Variants in HPS3 observed in about 807,000 individuals in gnomAD.
HPS3 encodes HPS3 biogenesis of lysosomal organelles complex 2 subunit 1.
HPS3 carries 79 observed loss-of-function variants against 110.9 expected under a neutral mutation model. The ratio of observed to expected loss-of-function variants is 0.71; its 90% CI spans 0.59 to 0.86. HPS3 has a LOEUF of 0.86. Ranked by LOEUF, HPS3 falls within the 40% of genes least tolerant of loss-of-function variation. HPS3 has a pLI of 0.00. For missense variants in HPS3, 1,197 were observed against 1,206.2 expected (o/e 0.99, Z 0.11); for synonymous variants, 428 against 451.0 (o/e 0.95, Z 0.65).
intron 7 of HPS3, chr3:149,154,097 G>A (rs1044270246): frequency 3.6e-5 from 6 of 165,096 alleles, no homozygotes; most frequent in African/African-American, 1.2e-4. Flanking sequence ...CTATAGATAT[G>A]TGCTCATGTA....
intron 4 of HPS3, among the ~76,000 whole-genome samples, chr3:149,143,384 A>C (rs772905): frequency 1.3e-5 from 2 of 152,046 alleles, no homozygotes; most frequent in South Asian, 4.1e-4. Flanking sequence ...CTGAAGTGTA[A>C]CTTCATGACG....
At chr3:149,143,305 CTCT>C (rs1416879509) in intron 4 of HPS3, among the ~76,000 whole-genome samples, 4 of 152,186 alleles carry the variant, frequency 2.6e-5, no homozygotes, top group Non-Finnish European at 5.9e-5. Context: ...CTATTATTTG[CTCT>C]TCTTGTGCGT....
At position 149,173,674 on chromosome 3, in the gene HPS3, G is replaced by A. The variant is rs112764171; in HGVS notation, c.*1452G>A. ...TTCACATACATTGTTATGAATCATT[G>A]GTTTTTCTCTTTTTTCCACTTATCA... On this transcript the variant is annotated 3_prime_UTR_variant, in exon 17 of 17. Coordinates refer to ENST00000296051, the MANE Select transcript of HPS3 (RefSeq NM_032383.5). 2,469 of 1,343,446 alleles carry A rather than the reference G, an allele frequency of 1.8e-3. 3 individuals are homozygous for A. The highest frequency in any genetic ancestry group is 2.4e-3 in the Non-Finnish European group (2,289 of 959,600). The allele number at this position is 1,343,446 out of a possible 1,614,324, so 83.2% of individuals were successfully genotyped here. A position where few individuals can be genotyped will look rare whatever the true frequency, so the allele number is the denominator to read the frequency against.
intron 1 of HPS3, among the ~76,000 whole-genome samples, chr3:149,137,842 G>C (rs1454837733): frequency 6.6e-6 from 1 of 152,270 alleles, no homozygotes; most frequent in Non-Finnish European, 1.5e-5. Context: ...TATTTAATCA[G>C]TGCAGAGTTT....
Position 149,173,615 on chromosome 3 carries a change from A to G in HPS3, c.*1393A>G. 1 of 810,390 alleles carries G rather than the reference A, an allele frequency of 1.2e-6. No homozygotes were observed. Among genetic ancestry groups the G allele is most frequent in the South Asian group, 1.6e-5 (1 of 60,974 alleles). 50.2% of individuals were successfully genotyped at this position (810,390 alleles called of 1,614,324 possible). On this transcript the variant is annotated 3_prime_UTR_variant, in exon 17 of 17. Transcript: ENST00000296051. The stretch of plus-strand genomic sequence containing the variant: ...TGCTTCCAGTCTTCTTTTAATGTTT[A>G]TAGTCATTCCAAAGTAACATTCTAT...
At position 149,172,405 on chromosome 3, in the gene HPS3, A is replaced by G; in HGVS notation, c.*183A>G. 1 of 539,072 alleles carries G rather than the reference A, an allele frequency of 1.9e-6. No homozygotes were observed. The highest frequency in any genetic ancestry group is 2.2e-5 in the South Asian group (1 of 45,412). 33.4% of individuals were successfully genotyped at this position (539,072 alleles called of 1,614,324 possible). A position where few individuals can be genotyped will look rare whatever the true frequency, so the allele number is the denominator to read the frequency against. ...CTGCTTACCTTACCGTGTAGTGGTAACTATTCACTTCTTAATTTATGACCT... is the reference window on the plus strand; with the variant it reads ...CTGCTTACCTTACCGTGTAGTGGTAGCTATTCACTTCTTAATTTATGACCT... On this transcript the variant is annotated 3_prime_UTR_variant, in exon 17 of 17. Coordinates refer to ENST00000296051, the MANE Select transcript of HPS3 (RefSeq NM_032383.5).
rs751552961 is a variant in HPS3 at position 149,157,376 on chromosome 3, T to C, written c.1536T>C (p.Thr512=). 1.9e-6 allele frequency: 3 copies of C among 1,613,846 alleles called. No individual in the cohort carries two copies. Among genetic ancestry groups the C allele is most frequent in the Non-Finnish European group, 2.5e-6 (3 of 1,179,844 alleles). Reference sequence around the variant, plus strand: ...TAGACTATAGCAATACCTATAAGACTGTCAAAACCCAGAGCTGCATTCACC... The same window carrying C: ...TAGACTATAGCAATACCTATAAGACCGTCAAAACCCAGAGCTGCATTCACC... ...EMVDYSNTYK[T]VKTQSCIHLL... Residue 512 remains threonine (T), a synonymous_variant, in exon 9 of 17, where the codon ACT becomes ACC. Transcript: ENST00000296051.
At chr3:149,164,370 C>T (rs948899542) in intron 14 of HPS3, among the ~76,000 whole-genome samples, 5 of 152,094 alleles carry the variant, frequency 3.3e-5, no homozygotes, top group African/African-American at 1.2e-4. Context: ...GGAAACAGGT[C>T]AAAGTAGTTA....
chr3:149,136,915 T>A (rs2108123434), intron 1 of HPS3, among the ~76,000 whole-genome samples: 1 of 152,138 alleles, frequency 6.6e-6, no homozygotes, highest in East Asian at 1.9e-4. Flanking sequence ...AGTTTTAAAA[T>A]TTATTTACTA....
At chr3:149,144,889 T>C (rs1722698052) in intron 4 of HPS3, among the ~76,000 whole-genome samples, 1 of 152,202 alleles carries the variant, frequency 6.6e-6, no homozygotes, top group African/African-American at 2.4e-5. Context: ...AATGGTAATA[T>C]TTTTGATATG....
chr3:149,141,890 G>T (rs1215854296), intron 4 of HPS3, among the ~76,000 whole-genome samples: 6 of 146,148 alleles, frequency 4.1e-5, no homozygotes, highest in Admixed American at 2.8e-4. Context: ...TGCTCTTGTT[G>T]TCCAGGCTGG....
intron 6 of HPS3, 78 bp from the exon 7 acceptor site, chr3:149,153,416 A>T: frequency 3.1e-6 from 4 of 1,284,346 alleles, no homozygotes; most frequent in Non-Finnish European, 4.5e-6. Context: ...GATTTGATCA[A>T]ATAAACTGAC....
At chr3:149,132,069 A>G (rs1422562535) in intron 1 of HPS3, among the ~76,000 whole-genome samples, 1 of 152,232 alleles carries the variant, frequency 6.6e-6, no homozygotes, top group African/African-American at 2.4e-5. Flanking sequence ...GTTTAAGGGA[A>G]GAAGCTGTCT....
chr3:149,144,919 T>C (rs1722698947), intron 4 of HPS3, among the ~76,000 whole-genome samples: 2 of 152,238 alleles, frequency 1.3e-5, no homozygotes, highest in Non-Finnish European at 2.9e-5. Context: ...TACAATATTA[T>C]TAAAATTTTA....
chr3:149,147,774 C>T (rs139348972), intron 5 of HPS3, among the ~76,000 whole-genome samples: 2 of 152,288 alleles, frequency 1.3e-5, no homozygotes, highest in African/African-American at 2.4e-5. Context: ...ATTATCAGCA[C>T]TAAAGGAGAC....
intron 7 of HPS3, 74 bp from the exon 8 acceptor site, chr3:149,155,033 C>T: frequency 1.2e-6 from 1 of 808,334 alleles, no homozygotes; most frequent in South Asian, 1.4e-5. Flanking sequence ...ATTTTATATC[C>T]AATATTTACC....
chr3:149,135,483 A>G (rs550082470), intron 1 of HPS3, among the ~76,000 whole-genome samples: 7 of 151,994 alleles, frequency 4.6e-5, no homozygotes, highest in Non-Finnish European at 1.0e-4. Context: ...TCCCCTACCC[A>G]CACTTATTTT....
Position 149,142,992 on chromosome 3 carries a change from C to T in HPS3, c.970+1612C>T, listed in dbSNP as rs139245721. On this transcript the variant is annotated intron_variant, in intron 4 of 16. Transcript: ENST00000296051. The stretch of plus-strand genomic sequence containing the variant: ...GGGAAGAGAGCCTTCCAGGCAGAAG[C>T]AGCAGCAAAGGCTCTGTTGCAGAGG... Among the ~76,000 whole-genome samples the T allele has an allele frequency of 2.6e-5, 4 of 152,232 alleles. No individual in the cohort carries two copies. The East Asian group carries it at 7.7e-4, about 29-fold the overall frequency.
Position 149,172,269 on chromosome 3 carries a change from T to C in HPS3, c.*47T>C, listed in dbSNP as rs1394432520. The C allele has an allele frequency of 3.8e-6, 6 of 1,568,220 alleles. No individual in the cohort carries two copies. The highest frequency in any genetic ancestry group is 5.2e-6 in the Non-Finnish European group (6 of 1,144,872). ...ATAATGGCATTTGAGACTGAATTTC[T>C]AAAAATTGAATGCCAAAGTACAAGT... On this transcript the variant is annotated 3_prime_UTR_variant, in exon 17 of 17. Transcript: ENST00000296051.
Sources: allele counts gnomAD v4.1 joint callset (sites outside exome capture counted in the v4.1 genomes callset), GRCh38; gene constraint gnomAD v4.1.1; transcripts MANE v1.5; gene names NCBI Gene and HGNC (gene_info 2026-07-23, HGNC 2026-07-21).